Variants in A2ML1 observed in about 807,000 individuals in gnomAD.
A2ML1 encodes the protein alpha-2-macroglobulin-like protein 1.
A2ML1 carries 161 observed loss-of-function variants against 181.9 expected under a neutral mutation model. The ratio of observed to expected loss-of-function variants is 0.89; its 90% CI spans 0.78 to 1.01. The LOEUF is 1.01. A2ML1 is among the 50% of genes least tolerant of loss of function. The probability of loss-of-function intolerance (pLI) is 0.00; values close to 1 mark genes in which losing one functional copy is unlikely to be tolerated. For missense variants in A2ML1, 1,670 were observed against 1,768.1 expected (o/e 0.94, Z 1.00); for synonymous variants, 663 against 666.8 (o/e 0.99, Z 0.09).
intron 12 of A2ML1, among the ~76,000 whole-genome samples, chr12:8,844,186 CA>C (rs753199717): frequency 2.7e-5 from 4 of 146,688 alleles, no homozygotes; most frequent in African/African-American, 7.5e-5. Context: ...TGGCCAGGAC[CA>C]AAAAAAACAA....
rs776185488 is a variant in A2ML1 at position 8,857,941 on chromosome 12, T to C, written c.3108-5T>C. ...CATGCCATATTTTCCTCTTTACCCA[T>C]GTAGGCTGACAGCGTTTGTCACAAA... is the stretch of plus-strand genomic sequence containing the variant. On this transcript the variant is annotated splice_polypyrimidine_tract_variant and splice_region_variant and intron_variant, in intron 25 of 35. Coordinates refer to ENST00000299698, the MANE Select transcript of A2ML1 (RefSeq NM_144670.6). 21 of 1,613,182 alleles carry C rather than the reference T, an allele frequency of 1.3e-5. No homozygotes were observed. The highest frequency in any genetic ancestry group is 1.7e-5 in the Non-Finnish European group (20 of 1,179,854).
intron 33 of A2ML1, 51 bp downstream of exon 33, chr12:8,869,254 T>G: frequency 6.4e-7 from 1 of 1,572,626 alleles, no homozygotes. Flanking sequence ...CGGATCTTCA[T>G]GACTTCCCTT....
At chr12:8,884,231 G>GTTTTTGT (rs1944897357) in intron 7 of A2ML1, among the ~76,000 whole-genome samples, 1 of 121,564 alleles carries the variant, frequency 8.2e-6, no homozygotes, top group African/African-American at 3.2e-5. Context: ...TTTATTTTTT[G>GTTTTTGT]TTTTTTTTTG....
intron 1 of A2ML1, 107 bp downstream of exon 1, chr12:8,822,820 TTCC>T (rs1374160709): frequency 5.9e-6 from 6 of 1,023,894 alleles, no homozygotes; most frequent in Admixed American, 4.0e-5. Context: ...TTATCTTAAT[TTCC>T]TCCTCCTTTT....
At chr12:8,837,415 G>A (rs749047161) in intron 7 of A2ML1, 25 bp from the exon 8 acceptor site, 1 of 1,611,990 alleles carries the variant, frequency 6.2e-7, no homozygotes. Context: ...TCCCAACTCT[G>A]ACTCCTTATG....
intron 3 of A2ML1, among the ~76,000 whole-genome samples, chr12:8,824,155 G>C (rs1350501479): frequency 2.0e-5 from 3 of 151,666 alleles, no homozygotes; most frequent in African/African-American, 7.3e-5. Context: ...TGGGTTGCTG[G>C]GCCTTACAAC....
downstream of A2ML1, among the ~76,000 whole-genome samples, chr12:8,877,497 A>C (rs986576795): frequency 3.3e-5 from 5 of 152,200 alleles, no homozygotes; most frequent in African/African-American, 1.2e-4. Context: ...CAAGAAAAAA[A>C]CAAATAATCC....
At chr12:8,871,180 T>C (rs982089892) in intron 33 of A2ML1, among the ~76,000 whole-genome samples, 1 of 152,246 alleles carries the variant, frequency 6.6e-6, no homozygotes, top group Non-Finnish European at 1.5e-5. Context: ...CTTTTGTTCC[T>C]GATGTCTAAT....
intron 20 of A2ML1, 54 bp from the exon 21 acceptor site, chr12:8,854,074 C>T (rs1304612615): frequency 1.4e-6 from 2 of 1,478,544 alleles, no homozygotes; most frequent in African/African-American, 1.4e-5. Flanking sequence ...GGGAATGGAC[C>T]TCACTGGTAC....
At chr12:8,843,101 T>C in intron 11 of A2ML1, 33 bp from the exon 12 acceptor site, 1 of 1,596,648 alleles carries the variant, frequency 6.3e-7, no homozygotes. Context: ...TTGGAGCACA[T>C]GCTAAAATTC....
intron 4 of A2ML1, among the ~76,000 whole-genome samples, chr12:8,833,165 GT>G (rs1193984720): frequency 6.6e-6 from 1 of 151,958 alleles, no homozygotes; most frequent in Non-Finnish European, 1.5e-5. Flanking sequence ...TAGAAATGTG[GT>G]TTTACCATGT....
chr12:8,878,606 C>T (rs2137008842), downstream of A2ML1, among the ~76,000 whole-genome samples: 1 of 152,258 alleles, frequency 6.6e-6, no homozygotes, highest in South Asian at 2.1e-4. This position sits in a 1 kb window ranked among gnomAD's most constrained non-coding sequence, Gnocchi z 4.4. Flanking sequence ...ACGCAATATA[C>T]CCATGTAACA....
chr12:8,849,889 A>G, intron 17 of A2ML1, 130 bp downstream of exon 17: 2 of 828,054 alleles, frequency 2.4e-6, no homozygotes, highest in African/African-American at 1.7e-5. Context: ...TGGGTCACAG[A>G]TGCAGGACAG....
Position 8,868,550 on chromosome 12 carries a change from C to A in A2ML1, c.4075C>A (p.Arg1359Ser), listed in dbSNP as rs764337367. 1.5e-5 allele frequency: 25 copies of A among 1,613,724 alleles called. No individual in the cohort carries two copies. The highest frequency in any genetic ancestry group is 2.0e-5 in the Non-Finnish European group (24 of 1,179,942). Residue 1359 changes from arginine to serine, a missense_variant, in exon 32 of 36, where the codon CGT becomes AGT. By Grantham distance (110) the Arg-to-Ser change is moderately radical (BLOSUM62 -1). Transcript: ENST00000299698. ...TCCTGCTCTCAGTTATGTGGGGAGC[C>A]GTAGCTCTTCCAATATGGCTATTGT... ...LTIHTSYVGSRSSSNMAIVEV... is the reference protein window; with the variant it reads ...LTIHTSYVGSSSSSNMAIVEV...
intron 16 of A2ML1, among the ~76,000 whole-genome samples, chr12:8,849,184 C>G (rs1405575353): frequency 6.6e-6 from 1 of 152,118 alleles, no homozygotes; most frequent in Non-Finnish European, 1.5e-5. Context: ...CCAGAGGTCT[C>G]TTATCATTAT....
intron 23 of A2ML1, among the ~76,000 whole-genome samples, chr12:8,856,232 T>C (rs1258830581): frequency 6.6e-6 from 1 of 152,204 alleles, no homozygotes; most frequent in East Asian, 1.9e-4. Context: ...TCACCCTCTA[T>C]TGAGATCCTT....
intron 4 of A2ML1, among the ~76,000 whole-genome samples, chr12:8,832,295 G>A (rs1455841555): frequency 6.6e-6 from 1 of 152,190 alleles, no homozygotes; most frequent in African/African-American, 2.4e-5. Flanking sequence ...CAACAGTGAT[G>A]TTCTCCCCAG....
chr12:8,855,477 T>C (rs778477675), intron 22 of A2ML1, 32 bp from the exon 23 acceptor site: 3 of 1,609,846 alleles, frequency 1.9e-6, no homozygotes, highest in Non-Finnish European at 2.6e-6. Flanking sequence ...CCCCATCTTC[T>C]ATTGTGTCAC....
chr12:8,864,055 C>A, intron 29 of A2ML1, 47 bp downstream of exon 29: 4 of 1,557,862 alleles, frequency 2.6e-6, no homozygotes, highest in Non-Finnish European at 3.5e-6. Flanking sequence ...AGAATTAGAT[C>A]TTGTGTGGAG....
Sources: gnomAD v4.1 joint callset for allele counts (sites outside exome capture counted in the v4.1 genomes callset) on GRCh38, gnomAD v4.1.1 for gene constraint, Gnocchi (gnomAD v3.1) non-coding constraint, MANE v1.5 for transcripts, NCBI Gene and HGNC (gene_info 2026-07-23, HGNC 2026-07-21) for gene names.